DLG1: variants seen among roughly 807,000 people sequenced by gnomAD.
DLG1 encodes discs large MAGUK scaffold protein 1.
Under a neutral mutation model 123.4 loss-of-function variants are expected in DLG1, and 42 were observed. The observed-to-expected ratio is 0.34, with a 90% CI of 0.27 to 0.44. DLG1 has a LOEUF of 0.44. DLG1 is among the 20% of genes least tolerant of loss of function. The pLI, the probability that DLG1 is intolerant of heterozygous loss-of-function variation, is 1.00. For missense variants in DLG1, 942 were observed against 1,082.6 expected (o/e 0.87, Z 1.82); for synonymous variants, 317 against 356.2 (o/e 0.89, Z 1.24).
intron 1 of DLG1, chr3:197,298,278 A>C: frequency 5.4e-6 from 2 of 368,400 alleles, no homozygotes; most frequent in Non-Finnish European, 4.8e-6. Context: ...GGGCAGGGGA[A>C]CGGAAGGGGT....
At chr3:197,273,849 C>CAAAAAAAAAAAAAAA (rs58880007) in intron 4 of DLG1, among the ~76,000 whole-genome samples, 11 of 48,698 alleles carry the variant, frequency 2.3e-4, no homozygotes, top group African/African-American at 4.9e-4. Flanking sequence ...TAATAGCTAC[C>CAAAAAAAAAAAAAAA]AAAAAAAAAA....
rs184441712 is a variant in DLG1 at position 197,276,234 on chromosome 3, C to T, written c.318+6445G>A. Among the ~76,000 whole-genome samples, 45 of 152,258 alleles carry T rather than the reference C, an allele frequency of 3.0e-4. No homozygotes were observed. In the East Asian group the frequency reaches 6.2e-3, roughly 21 times the overall value. ...ATAATGTGTTTATCCGATCTCTTAC[C>T]GATAATCTTTTATATCCCTTGTTGG... On this transcript the variant is annotated intron_variant, in intron 4 of 24. Transcript: ENST00000667157.
chr3:197,142,578 T>C (rs1788566508), intron 7 of DLG1, 140 bp downstream of exon 7: 1 of 500,826 alleles, frequency 2.0e-6, no homozygotes, highest in East Asian at 3.6e-5. Flanking sequence ...GTTTTGAAAA[T>C]ACCTTGGCCA....
At chr3:197,206,782 A>G (rs1205567740) in intron 4 of DLG1, among the ~76,000 whole-genome samples, 2 of 152,194 alleles carry the variant, frequency 1.3e-5, no homozygotes, top group African/African-American at 4.8e-5. Flanking sequence ...CAATTTACAG[A>G]TCACCTGATG....
chr3:197,222,919 A>G lies in DLG1; in HGVS notation c.319-28330T>C, dbSNP rs542930490. On this transcript the variant is annotated intron_variant, in intron 4 of 24. Transcript: ENST00000667157. The stretch of plus-strand genomic sequence containing the variant: ...TTCAAGAGCTTGATACTACAAAAAA[A>G]CAAACAACTTTAACTAGCTTCACAA... Among the ~76,000 whole-genome samples the G allele has an allele frequency of 5.3e-5, 8 of 152,296 alleles. No individual in the cohort carries two copies. In the East Asian group the frequency reaches 1.2e-3, roughly 22 times the overall value.
intron 3 of DLG1, among the ~76,000 whole-genome samples, chr3:197,289,849 G>A (rs555348980): frequency 2.5e-4 from 38 of 152,206 alleles, no homozygotes; most frequent in Non-Finnish European, 4.6e-4. Flanking sequence ...AAGATGTCAA[G>A]CTAGTAGGCA....
chr3:197,167,233 A>C (rs1329642111), intron 5 of DLG1, among the ~76,000 whole-genome samples: 1 of 152,218 alleles, frequency 6.6e-6, no homozygotes, highest in Non-Finnish European at 1.5e-5. Context: ...TGCTAACTAA[A>C]AATGTAATGA....
At chr3:197,240,772 C>T (rs1167232122) in intron 4 of DLG1, among the ~76,000 whole-genome samples, 3 of 98,414 alleles carry the variant, frequency 3.0e-5, no homozygotes, top group African/African-American at 6.5e-5. Context: ...AATACACTTG[C>T]TGAACTGATT....
At chr3:197,248,075 T>C (rs908022845) in intron 4 of DLG1, among the ~76,000 whole-genome samples, 1 of 152,178 alleles carries the variant, frequency 6.6e-6, no homozygotes, top group African/African-American at 2.4e-5. Context: ...TTACTCACTC[T>C]ACACTTAATG....
chr3:197,242,064 C>T (rs1749166651), intron 4 of DLG1, among the ~76,000 whole-genome samples: 1 of 152,040 alleles, frequency 6.6e-6, no homozygotes, highest in Non-Finnish European at 1.5e-5. Context: ...ACCCACTTCA[C>T]CTATTAAGAT....
chr3:197,065,548 G>C (rs548748108), intron 21 of DLG1, 100 bp from the exon 22 acceptor site: 10 of 1,141,326 alleles, frequency 8.8e-6, no homozygotes, highest in Middle Eastern at 2.2e-4. Flanking sequence ...CAACAGAACA[G>C]ATTAATTTAA....
rs1739111832 is a variant in DLG1 at position 197,065,812 on chromosome 3, A to G, written c.2099-3T>C. 1 of 1,511,312 alleles carries G rather than the reference A, an allele frequency of 6.6e-7. No homozygotes were observed. Among genetic ancestry groups the G allele is most frequent in the Non-Finnish European group, 9.1e-7 (1 of 1,094,328 alleles). 93.6% of individuals were successfully genotyped at this position (1,511,312 alleles called of 1,614,324 possible). ...GATCACTGGTCGAGTATAATTAACT[A>G]TAAAGATAAACTGCATGTTAAAAGG... On this transcript the variant is annotated splice_polypyrimidine_tract_variant and splice_region_variant and intron_variant, in intron 20 of 24. Transcript: ENST00000667157.
intron 22 of DLG1, among the ~76,000 whole-genome samples, chr3:197,061,385 T>G (rs917200109): frequency 6.6e-6 from 1 of 152,232 alleles, no homozygotes; most frequent in Non-Finnish European, 1.5e-5. Context: ...ATAAACTGCA[T>G]AATGCTCCTT....
At chr3:197,196,433 A>C (rs1160266554) in intron 4 of DLG1, among the ~76,000 whole-genome samples, 1 of 152,204 alleles carries the variant, frequency 6.6e-6, no homozygotes, top group Non-Finnish European at 1.5e-5. Flanking sequence ...GCTGACGTTA[A>C]CATAAACATA....
intron 6 of DLG1, among the ~76,000 whole-genome samples, chr3:197,145,805 T>G (rs765933894): frequency 9.1e-5 from 12 of 131,622 alleles, no homozygotes; most frequent in Non-Finnish European, 4.8e-5. Context: ...TTACTAAAAA[T>G]ACAAAAATTA....
At chr3:197,222,075 G>A (rs890527461) in intron 4 of DLG1, among the ~76,000 whole-genome samples, 4 of 152,094 alleles carry the variant, frequency 2.6e-5, no homozygotes, top group South Asian at 2.1e-4. Flanking sequence ...GTCTGTATAC[G>A]TTCAGTACAA....
intron 5 of DLG1, chr3:197,183,513 T>G: frequency 1.4e-6 from 2 of 1,437,936 alleles, no homozygotes; most frequent in Non-Finnish European, 1.9e-6. Flanking sequence ...TATTAAGACA[T>G]TTTTACAGAG....
At chr3:197,123,337 G>C (rs1777390907) in intron 11 of DLG1, among the ~76,000 whole-genome samples, 2 of 152,106 alleles carry the variant, frequency 1.3e-5, no homozygotes, top group Admixed American at 1.3e-4. Context: ...CATAAACTCA[G>C]TGAAGACATC....
intron 4 of DLG1, among the ~76,000 whole-genome samples, chr3:197,221,946 G>A (rs1737313311): frequency 6.6e-6 from 1 of 152,104 alleles, no homozygotes; most frequent in Non-Finnish European, 1.5e-5. Context: ...CATAACCTAT[G>A]TACATCCTCC....
Sources: gnomAD v4.1 joint callset for allele counts (sites outside exome capture counted in the v4.1 genomes callset) on GRCh38, gnomAD v4.1.1 for gene constraint, MANE v1.5 for transcripts, NCBI Gene and HGNC (gene_info 2026-07-23, HGNC 2026-07-21) for gene names.